Variants in OR10J1 observed in about 807,000 individuals in gnomAD.
OR10J1 encodes the protein olfactory receptor family 10 subfamily J member 1.
For missense variants in OR10J1, 474 were observed against 376.6 expected, an observed-to-expected ratio of 1.26 and a Z score of -2.14; for synonymous variants, 202 against 143.8, an observed-to-expected ratio of 1.40 and a Z score of -2.89.
At chr1:159,430,993 T>C in the OR10J1 span, among the ~76,000 whole-genome samples, 2 of 152,198 alleles carry the variant, frequency 1.3e-5, no homozygotes, top group South Asian at 4.1e-4. Flanking sequence ...TTGTTGTTTC[T>C]ATTGCTGTTG....
At position 159,440,567 on chromosome 1, in the gene OR10J1, T is replaced by A. The variant is rs769222313; in HGVS notation, c.776T>A (p.Leu259His). The A allele has an allele frequency of 3.1e-6, 5 of 1,613,734 alleles. No homozygotes were observed. The change falls in exon 1 of 1, where the codon CTC becomes CAC. Residue 259 changes from leucine to histidine, a missense_variant. Transcript: ENST00000423932. ...TACAGCTGTGCCTCCATTGCCTACC[T>A]CAAGCCCAAGTCAGAGAACACCAGA... ...VHYSCASIAY[L>H]KPKSENTREH... is the part of the protein sequence containing the mutation.
At chr1:159,423,022 C>A in the OR10J1 span, among the ~76,000 whole-genome samples, 1 of 152,162 alleles carries the variant, frequency 6.6e-6, no homozygotes. Context: ...TGGTTCCTCT[C>A]CGTGGAAGAG....
chr1:159,423,914 T>C, the OR10J1 span, among the ~76,000 whole-genome samples: 1 of 152,264 alleles, frequency 6.6e-6, no homozygotes. Context: ...TAGATATGAA[T>C]GGACAGCCAA....
the OR10J1 span, among the ~76,000 whole-genome samples, chr1:159,416,201 C>A: frequency 4.6e-5 from 7 of 151,842 alleles, no homozygotes; most frequent in African/African-American, 9.7e-5. Flanking sequence ...GCTCTGGCTG[C>A]GACTTCTATT....
At chr1:159,410,341 G>C in the OR10J1 span, among the ~76,000 whole-genome samples, 1 of 151,588 alleles carries the variant, frequency 6.6e-6, no homozygotes, top group Admixed American at 6.6e-5. Flanking sequence ...ACTCTTTTTG[G>C]TTGGTAAGCT....
upstream of OR10J1, among the ~76,000 whole-genome samples, chr1:159,436,155 G>T (rs548159817): frequency 6.6e-6 from 1 of 151,554 alleles, no homozygotes; most frequent in African/African-American, 2.4e-5. Flanking sequence ...CAAAGCAATA[G>T]TATCATAAAG....
upstream of OR10J1, chr1:159,439,671 C>T (rs1295514632): frequency 2.5e-6 from 3 of 1,212,862 alleles, no homozygotes; most frequent in Non-Finnish European, 3.5e-6. Context: ...CTAGGAAATA[C>T]ATCACCAGAT....
At chr1:159,428,147 G>A in the OR10J1 span, among the ~76,000 whole-genome samples, 1 of 152,100 alleles carries the variant, frequency 6.6e-6, no homozygotes, top group Non-Finnish European at 1.5e-5. Context: ...ATCTATAAGT[G>A]TTAGTATTGA....
chr1:159,418,731 G>C, the OR10J1 span, among the ~76,000 whole-genome samples: 4 of 152,114 alleles, frequency 2.6e-5, no homozygotes, highest in Non-Finnish European at 5.9e-5. Flanking sequence ...ACCTCAGAAT[G>C]GTAGATCTAC....
chr1:159,407,781 C>A, the OR10J1 span, among the ~76,000 whole-genome samples: 3 of 152,086 alleles, frequency 2.0e-5, no homozygotes, highest in Non-Finnish European at 4.4e-5. Flanking sequence ...TCAAATATTT[C>A]TTATTCCCAT....
chr1:159,405,584 A>G, the OR10J1 span: 4 of 395,824 alleles, frequency 1.0e-5, no homozygotes, highest in African/African-American at 6.2e-5. Context: ...AAACTCTGGG[A>G]CTTAAGCTTC....
the OR10J1 span, among the ~76,000 whole-genome samples, chr1:159,430,671 G>GCGCACA: frequency 4.0e-5 from 6 of 149,688 alleles, no homozygotes; most frequent in Non-Finnish European, 7.4e-5. Flanking sequence ...GTGTGTGTGC[G>GCGCACA]CGCGCGCACA....
At chr1:159,437,004 T>A (rs190865409), upstream of OR10J1, among the ~76,000 whole-genome samples, 73 of 152,320 alleles carry the variant, frequency 4.8e-4, 1 homozygote, top group Non-Finnish European at 1.5e-5. Context: ...GGGCCTGACA[T>A]ATGCTAAGTG....
chr1:159,419,604 G>T, the OR10J1 span, among the ~76,000 whole-genome samples: 4 of 152,132 alleles, frequency 2.6e-5, no homozygotes, highest in Admixed American at 6.5e-5. Context: ...CTAACACAAG[G>T]AGCATGTTGC....
At chr1:159,425,519 CT>C in the OR10J1 span, among the ~76,000 whole-genome samples, 1 of 151,884 alleles carries the variant, frequency 6.6e-6, no homozygotes, top group Non-Finnish European at 1.5e-5. Flanking sequence ...CTTTATAGTT[CT>C]GATGGAGAGT....
rs1347621413 is a variant in OR10J1, at chr1:159,439,857, G to A, written c.66G>A (p.Glu22=). Residue 22 remains glutamate (E), a synonymous_variant, in exon 1 of 1, where the codon GAG becomes GAA. Coordinates refer to ENST00000423932, the MANE Select transcript of OR10J1 (RefSeq NM_012351.3). Reference sequence around the variant, plus strand: ...TCCAAGGTTTCTCTAGCTTCCATGAGCAGCAGATCACCCTTTTTGGCGTGT... The same window carrying A: ...TCCAAGGTTTCTCTAGCTTCCATGAACAGCAGATCACCCTTTTTGGCGTGT... ...FVFQGFSSFH[E]QQITLFGVFL... 4.3e-6 allele frequency: 7 copies of A among 1,614,042 alleles called. No individual in the cohort carries two copies. In the East Asian group the frequency reaches 1.3e-4, roughly 31 times the overall value.
the OR10J1 span, among the ~76,000 whole-genome samples, chr1:159,421,089 T>C: frequency 6.6e-6 from 1 of 152,130 alleles, no homozygotes; most frequent in Non-Finnish European, 1.5e-5. Context: ...TTTGTAATTC[T>C]TTTTTATTCT....
the OR10J1 span, among the ~76,000 whole-genome samples, chr1:159,426,947 A>G: frequency 2.6e-5 from 4 of 151,894 alleles, 1 homozygote; most frequent in East Asian, 7.7e-4. Context: ...ACTGCTTGAG[A>G]TAGGTAGTAT....
the OR10J1 span, among the ~76,000 whole-genome samples, chr1:159,399,928 T>G: frequency 2.0e-5 from 3 of 152,158 alleles, no homozygotes; most frequent in Non-Finnish European, 4.4e-5. Context: ...TGTTTGTTTA[T>G]GCAAATAGTG....
Sources: gnomAD v4.1 joint callset for allele counts (sites outside exome capture counted in the v4.1 genomes callset) on GRCh38, gnomAD v4.1.1 for gene constraint, MANE v1.5 for transcripts, NCBI Gene and HGNC (gene_info 2026-07-23, HGNC 2026-07-21) for gene names.